The following LTBP2 variants were observed in gnomAD, a reference collection of about 807,000 sequenced individuals.
The protein encoded by LTBP2 is latent-transforming growth factor beta-binding protein 2.
Under a neutral mutation model 210.6 loss-of-function variants are expected in LTBP2, and 103 were observed. The ratio of observed to expected loss-of-function variants is 0.49; its 90% CI spans 0.42 to 0.58. The LOEUF is 0.58. LTBP2 is among the 20% of genes least tolerant of loss of function. LTBP2 has a pLI of 0.00. For synonymous variants in LTBP2, 1,007 were observed against 1,015.0 expected, an observed-to-expected ratio of 0.99 and a Z score of 0.15; for missense variants, 2,313 against 2,494.5, an observed-to-expected ratio of 0.93 and a Z score of 1.55.
chr14:74,521,558 C>T (rs1024334608), intron 17 of LTBP2, among the ~76,000 whole-genome samples: 5 of 152,178 alleles, frequency 3.3e-5, no homozygotes, highest in Admixed American at 6.5e-5. Flanking sequence ...TTATGGGTCT[C>T]CCTCCTTCCC....
chr14:74,509,875 G>A lies in LTBP2; in HGVS notation c.3152-16C>T. ...TCATCCACATCTGAAATAGGGCATT[G>A]CATTCTGTGTGGGACTCTGCAGGAC... is the stretch of plus-strand genomic sequence containing the variant. On this transcript the variant is annotated splice_polypyrimidine_tract_variant and intron_variant, in intron 20 of 35. Transcript: ENST00000261978. 1 of 1,614,000 alleles carries A rather than the reference G, an allele frequency of 6.2e-7. No individual in the cohort carries two copies.
In LTBP2 at chr14:74,504,798, A is replaced by G; in HGVS notation, c.4433T>C (p.Phe1478Ser). ...GYIPVEGAWTFGQTMYTDADE... is the reference protein window; with the variant it reads ...GYIPVEGAWTSGQTMYTDADE... ...ATTACCTGTGTACATGGTCTGTCCA[A>G]ACGTCCAGGCTCCTTCCACAGGAAT... is the stretch of plus-strand genomic sequence containing the variant. The change falls in exon 30 of 36, where the codon TTT becomes TCT. Residue 1478 changes from phenylalanine to serine, a missense_variant. By Grantham distance (155) the Phe-to-Ser change is radical (BLOSUM62 -2). This residue lies in a region of LTBP2 where 443 missense variants were observed against 501.4 expected (regional missense o/e 0.88). Coordinates refer to ENST00000261978, the MANE Select transcript of LTBP2 (RefSeq NM_000428.3). 6.2e-7 allele frequency: 1 copy of G among 1,614,214 alleles called. No homozygotes were observed. The highest frequency in any genetic ancestry group is 8.5e-7 in the Non-Finnish European group (1 of 1,180,020).
intron 2 of LTBP2, among the ~76,000 whole-genome samples, chr14:74,589,202 G>A (rs947835095): frequency 6.6e-6 from 1 of 152,224 alleles, no homozygotes; most frequent in Non-Finnish European, 1.5e-5. Context: ...CTCACTGGAT[G>A]TGAAGCTTGT....
intron 28 of LTBP2, 28 bp downstream of exon 28, chr14:74,506,020 C>T (rs767484379): frequency 1.2e-6 from 2 of 1,613,768 alleles, no homozygotes; most frequent in African/African-American, 1.3e-5. Context: ...TCTGAGTCAC[C>T]ATGGATAATG....
rs1036563708 is a variant in LTBP2 at position 74,500,293 on chromosome 14, C to G, written c.*591G>C. ...TTGCTTCTCTGAGTGAAGGGATCTT[C>G]TGCCACTCCTTGGGGTCAGAGAATG... On this transcript the variant is annotated 3_prime_UTR_variant, in exon 36 of 36. Coordinates refer to ENST00000261978, the MANE Select transcript of LTBP2 (RefSeq NM_000428.3). 8.3e-6 allele frequency: 2 copies of G among 241,830 alleles called. No individual in the cohort carries two copies. Among genetic ancestry groups the G allele is most frequent in the African/African-American group, 4.4e-5 (2 of 45,440 alleles). The allele number at this position is 241,830 out of a possible 1,614,324, so 15.0% of individuals were successfully genotyped here. A position where few individuals can be genotyped will look rare whatever the true frequency, so the allele number is the denominator to read the frequency against.
rs751134779 is a variant in LTBP2, at chr14:74,503,329, T to C, written c.4778A>G (p.Asp1593Gly). ...MDICWKKVTN[D>G]VCSEPLRGHR... ...CCCACGCAGGGGTTCGCTGCACACA[T>C]CATTGGTGACTTTTTTCCAGCAGAT... Residue 1593 changes from aspartate (D) to glycine (G), a missense_variant, in exon 33 of 36, where the codon GAT becomes GGT. By Grantham distance (94) the Asp-to-Gly change is moderately conservative. Around this residue, in one of 3 missense-constraint regions of LTBP2, gnomAD observed 443 missense variants for 501.4 expected, o/e 0.88. Transcript: ENST00000261978. 1.2e-6 allele frequency: 2 copies of C among 1,613,886 alleles called. No homozygotes were observed. Among genetic ancestry groups the C allele is most frequent in the Non-Finnish European group, 1.7e-6 (2 of 1,179,988 alleles).
intron 18 of LTBP2, among the ~76,000 whole-genome samples, chr14:74,511,846 C>G (rs186642621): frequency 2.0e-5 from 3 of 152,194 alleles, no homozygotes; most frequent in Non-Finnish European, 4.4e-5. Flanking sequence ...ATGGAGGAAC[C>G]CCCAATCTTG....
In LTBP2 at chr14:74,523,618, C is replaced by T. The variant is rs371043418; in HGVS notation, c.2531-700G>A. Among the ~76,000 whole-genome samples the T allele has an allele frequency of 1.1e-3, 164 of 152,264 alleles. 1 individual carries two copies. Among genetic ancestry groups the T allele is most frequent in the African/African-American group, 3.8e-3 (158 of 41,544 alleles). On this transcript the variant is annotated intron_variant, in intron 15 of 35. Transcript: ENST00000261978. ...AATTGAGAAATAGTTTGGAGGCAGA[C>T]TCACTGGGACTCGGGGTTGAGGCTG...
At chr14:74,567,178 C>T (rs879901979) in intron 3 of LTBP2, among the ~76,000 whole-genome samples, 3 of 152,168 alleles carry the variant, frequency 2.0e-5, no homozygotes, top group Non-Finnish European at 2.9e-5. Flanking sequence ...CCCGGTCCCC[C>T]CTCAAGGGCA....
chr14:74,504,723 C>G, intron 30 of LTBP2, 55 bp downstream of exon 30: 2 of 1,541,856 alleles, frequency 1.3e-6, no homozygotes, highest in Non-Finnish European at 1.8e-6. Flanking sequence ...TGTGGAGGAG[C>G]AGGCTAGGGC....
Position 74,507,276 on chromosome 14 carries a change from C to T in LTBP2, c.3810G>A (p.Val1270=). Residue 1270 remains valine (V), a synonymous_variant, in exon 26 of 36, where the codon GTG becomes GTA. Transcript: ENST00000261978. ...TGTTTTCACACTTCCAGGTGCCACA[C>T]ACCGGGTCTCCATAGTCCTCACACT... The part of the protein sequence containing the change: ...IDECEDYGDP[V]CGTWKCENSP... 2 of 1,614,200 alleles carry T rather than the reference C, an allele frequency of 1.2e-6. No homozygotes were observed. The highest frequency in any genetic ancestry group is 1.7e-6 in the Non-Finnish European group (2 of 1,180,026).
intron 18 of LTBP2, among the ~76,000 whole-genome samples, chr14:74,515,379 C>T (rs930466497): frequency 1.5e-4 from 22 of 151,372 alleles, no homozygotes; most frequent in Non-Finnish European, 2.6e-4. Context: ...GCCTCAGCCT[C>T]GCAAGTAGGT....
chr14:74,600,409 C>T (rs1251939062), intron 2 of LTBP2, among the ~76,000 whole-genome samples: 1 of 152,110 alleles, frequency 6.6e-6, no homozygotes, highest in East Asian at 1.9e-4. Context: ...ATGGCAGCAT[C>T]CTACCTCAGC....
rs138508162 is a variant in LTBP2 at position 74,563,580 on chromosome 14, C to T, written c.831-7887G>A. 2.6e-5 allele frequency among the ~76,000 whole-genome samples: 4 copies of T among 152,256 alleles called. No homozygotes were observed. In the East Asian group the frequency reaches 7.7e-4, roughly 29 times the overall value. ...AATCCCACCACTGACTGTTTTTGTA[C>T]AGACTATGACCTAACAATGGTTTTC... is the stretch of plus-strand genomic sequence containing the variant. On this transcript the variant is annotated intron_variant, in intron 3 of 35. Transcript: ENST00000261978.
At chr14:74,551,675 G>C (rs1050387661) in intron 6 of LTBP2, among the ~76,000 whole-genome samples, 2 of 152,030 alleles carry the variant, frequency 1.3e-5, no homozygotes, top group Non-Finnish European at 2.9e-5. Context: ...GCCTTTGCTC[G>C]TGCCAGTCCC....
chr14:74,508,952 T>C lies in LTBP2; in HGVS notation c.3404A>G (p.Asp1135Gly). The change falls in exon 23 of 36, where the codon GAT becomes GGT. Residue 1135 changes from aspartate (D) to glycine (G), a missense_variant and splice_region_variant. Physicochemically the swap from Asp to Gly is moderately conservative, Grantham distance 94. Transcript: ENST00000261978. ...RPSPLGDSCE[D>G]VDECEDPQSS... ...CTGGGGGTCTTCACATTCATCCACA[T>C]CTGCAGGGCCACACAGGGGAGGAAG... The C allele has an allele frequency of 2.5e-6, 4 of 1,613,366 alleles. No individual in the cohort carries two copies. Among genetic ancestry groups the C allele is most frequent in the Non-Finnish European group, 3.4e-6 (4 of 1,179,896 alleles).
In LTBP2 at chr14:74,525,627, T is replaced by G. The variant is rs2087262544; in HGVS notation, c.2429-402A>C. ...CAACATCTTATTTGCTTTGAGAGTC[T>G]GCAAGACAGGCATCAGTGTCTTCTA... On this transcript the variant is annotated intron_variant, in intron 14 of 35. Transcript: ENST00000261978. Among the ~76,000 whole-genome samples the G allele has an allele frequency of 3.3e-5, 5 of 152,242 alleles. No individual in the cohort carries two copies. In the South Asian group the frequency reaches 1.0e-3, roughly 31 times the overall value.
In LTBP2 at chr14:74,503,609, G is replaced by C; in HGVS notation, c.4583-3C>G. ...CAGGTCCTGGCACTCATCGTGATCT[G>C]GGGAGGCAGGAAAGGGTGGGGCATT... On this transcript the variant is annotated splice_polypyrimidine_tract_variant and splice_region_variant and intron_variant, in intron 31 of 35. Transcript: ENST00000261978. 1 of 1,613,440 alleles carries C rather than the reference G, an allele frequency of 6.2e-7. No homozygotes were observed. The highest frequency in any genetic ancestry group is 8.5e-7 in the Non-Finnish European group (1 of 1,179,990).
chr14:74,590,622 G>A (rs1341636333), intron 2 of LTBP2, among the ~76,000 whole-genome samples: 2 of 151,992 alleles, frequency 1.3e-5, no homozygotes, highest in Non-Finnish European at 2.9e-5. Context: ...AAGAAAATGT[G>A]ATATATATAT....
Sources: gnomAD v4.1 joint callset for allele counts (sites outside exome capture counted in the v4.1 genomes callset) on GRCh38, gnomAD v4.1.1 for gene constraint, gnomAD v4.1.1 regional missense constraint, MANE v1.5 for transcripts, NCBI Gene and HGNC (gene_info 2026-07-23, HGNC 2026-07-21) for gene names.